The following ASH1L variants were observed in gnomAD, a reference collection of about 807,000 sequenced individuals.
The protein encoded by ASH1L is histone-lysine N-methyltransferase ASH1L.
ASH1L carries 23 observed loss-of-function variants against 269.0 expected under a neutral mutation model. That is an observed-to-expected ratio of 0.09 (90% CI 0.06 to 0.12). The LOEUF is 0.12. Ranked by LOEUF, ASH1L falls within the 10% of genes least tolerant of loss-of-function variation. ASH1L has a pLI of 1.00. For missense variants in ASH1L, 2,912 were observed against 3,567.8 expected (o/e 0.82, Z 4.68); for synonymous variants, 1,187 against 1,253.5 (o/e 0.95, Z 1.12).
At chr1:155,403,989 G>A (rs1242678826) in intron 6 of ASH1L, among the ~76,000 whole-genome samples, 1 of 150,256 alleles carries the variant, frequency 6.7e-6, no homozygotes, top group Non-Finnish European at 1.5e-5. Flanking sequence ...CTGGAAGGCA[G>A]AGGTTGCAGT....
intron 1 of ASH1L, among the ~76,000 whole-genome samples, chr1:155,525,585 G>A (rs979692915): frequency 9.3e-5 from 14 of 150,588 alleles, no homozygotes; most frequent in Non-Finnish European, 1.9e-4. Flanking sequence ...AAAGAAAAAC[G>A]TGTAACACTT....
intron 2 of ASH1L, among the ~76,000 whole-genome samples, chr1:155,495,996 C>T (rs1438701822): frequency 6.6e-6 from 1 of 151,668 alleles, no homozygotes; most frequent in Non-Finnish European, 1.5e-5. Context: ...AAGACTGTCT[C>T]AATTAAAAAA....
intron 1 of ASH1L, among the ~76,000 whole-genome samples, chr1:155,558,962 A>C (rs1185079345): frequency 6.7e-6 from 1 of 150,092 alleles, no homozygotes; most frequent in African/African-American, 2.5e-5. Flanking sequence ...CTCCTGCCTC[A>C]GCATCCCAAC....
chr1:155,479,054 CCGTTTT>C lies in ASH1L; in HGVS notation c.3810_3815del (p.Arg1272_Lys1273del). On this transcript the variant is annotated inframe_deletion, in exon 3 of 28. Transcript: ENST00000392403. Reference sequence around the variant, plus strand: ...TTCGAAGCTGGGGATATTTCTTTTTCCGTTTTCGTTTCTGCCTTTTCATCTTGTCAT... The same window carrying C: ...TTCGAAGCTGGGGATATTTCTTTTTCCGTTTCTGCCTTTTCATCTTGTCAT... 1 of 1,613,912 alleles carries C rather than the reference CCGTTTT, an allele frequency of 6.2e-7. No individual in the cohort carries two copies. The highest frequency in any genetic ancestry group is 1.1e-5 in the South Asian group (1 of 91,060).
chr1:155,446,270 G>A (rs1389072944), intron 4 of ASH1L, among the ~76,000 whole-genome samples: 1 of 148,408 alleles, frequency 6.7e-6, no homozygotes, highest in Non-Finnish European at 1.5e-5. Context: ...ACTGTAAATA[G>A]TATTATTTAT....
intron 1 of ASH1L, among the ~76,000 whole-genome samples, chr1:155,542,939 G>A (rs574260474): frequency 1.2e-4 from 18 of 151,906 alleles, no homozygotes; most frequent in African/African-American, 3.9e-4. Context: ...CCAAAGTGCT[G>A]GGATTACAGG....
chr1:155,441,831 T>A (rs1318705355), intron 4 of ASH1L, among the ~76,000 whole-genome samples: 1 of 143,948 alleles, frequency 6.9e-6, no homozygotes, highest in Non-Finnish European at 1.5e-5. Flanking sequence ...AGTGGCACAA[T>A]CTCAGCTCAC....
intron 15 of ASH1L, among the ~76,000 whole-genome samples, chr1:155,355,920 T>C (rs1570980419): frequency 6.6e-6 from 1 of 151,992 alleles, no homozygotes; most frequent in East Asian, 1.9e-4. Flanking sequence ...ATTCTGTTTT[T>C]TTTTTTTTTT....
At chr1:155,523,963 G>A (rs1172894068) in intron 1 of ASH1L, among the ~76,000 whole-genome samples, 1 of 152,168 alleles carries the variant, frequency 6.6e-6, no homozygotes, top group Non-Finnish European at 1.5e-5. Flanking sequence ...GCTTGTTATT[G>A]CTCCATTCAA....
At chr1:155,563,097 C>G (rs1395137427), upstream of ASH1L, 1 of 457,496 alleles carries the variant, frequency 2.2e-6, no homozygotes, top group Admixed American at 2.3e-5. Context: ...CGCCGCAGCG[C>G]TGCGGCTCGC....
At position 155,338,207 on chromosome 1, in the gene ASH1L, T is replaced by C. The variant is rs112342645; in HGVS notation, c.8685A>G (p.Thr2895=). 2 of 1,614,088 alleles carry C rather than the reference T, an allele frequency of 1.2e-6. No individual in the cohort carries two copies. Among genetic ancestry groups the C allele is most frequent in the Non-Finnish European group, 1.7e-6 (2 of 1,180,014 alleles). The stretch of plus-strand genomic sequence containing the variant: ...ACTGGGGTTCTTGACTACTTTCCTC[T>C]GTTTTTTTTTCACCCTCACTGACGT... ...TANVSEGEKK[T]EESSQEPQST... is the part of the protein sequence containing the mutation. The change falls in exon 27 of 28, where the codon ACA becomes ACG. Residue 2895 remains threonine, a synonymous_variant. Transcript: ENST00000392403.
chr1:155,401,296 G>C (rs1658826779), intron 6 of ASH1L, among the ~76,000 whole-genome samples: 1 of 151,896 alleles, frequency 6.6e-6, no homozygotes, highest in Admixed American at 6.6e-5. Context: ...GGCCAACATG[G>C]TGAAATCCCT....
At chr1:155,421,626 A>C (rs1359053253) in intron 5 of ASH1L, among the ~76,000 whole-genome samples, 1 of 151,534 alleles carries the variant, frequency 6.6e-6, no homozygotes, top group Non-Finnish European at 1.5e-5. Flanking sequence ...AGCCGAGATC[A>C]CGCCACTGCA....
chr1:155,533,374 A>G (rs1239761191), intron 1 of ASH1L, among the ~76,000 whole-genome samples: 1 of 152,062 alleles, frequency 6.6e-6, no homozygotes, highest in East Asian at 1.9e-4. Context: ...AGGCAGAAAC[A>G]GGTCTGTTTC....
chr1:155,378,028 AAAAACAAAAC>A (rs1169979573), intron 10 of ASH1L, among the ~76,000 whole-genome samples: 2 of 151,960 alleles, frequency 1.3e-5, no homozygotes, highest in East Asian at 1.9e-4. Flanking sequence ...GTCTCAAAAA[AAAAACAAAAC>A]AAAACAAAAC....
At chr1:155,434,850 C>CA (rs1021179294) in intron 5 of ASH1L, among the ~76,000 whole-genome samples, 12 of 147,360 alleles carry the variant, frequency 8.1e-5, no homozygotes, top group Non-Finnish European at 1.2e-4. Flanking sequence ...GACTCCGTCT[C>CA]AAAAAAAAAG....
At position 155,479,553 on chromosome 1, in the gene ASH1L, G is replaced by C; in HGVS notation, c.3317C>G (p.Pro1106Arg). The change falls in exon 3 of 28, where the codon CCT becomes CGT. Residue 1106 changes from proline to arginine, a missense_variant. Physicochemically the swap from Pro to Arg is moderately radical, Grantham distance 103. This residue lies in a region of ASH1L where 157 missense variants were observed against 154.6 expected (regional missense o/e 1.02). Coordinates refer to ENST00000392403, the MANE Select transcript of ASH1L (RefSeq NM_018489.3). ...SASSSEILPS[P>R]ICSQSSGTSG... ...AGTCCCAGAAGACTGAGAGCAAATA[G>C]GTGATGGAAGAATCTCAGAACTACT... 2 of 1,614,168 alleles carry C rather than the reference G, an allele frequency of 1.2e-6. No homozygotes were observed. The highest frequency in any genetic ancestry group is 1.7e-6 in the Non-Finnish European group (2 of 1,180,024).
At chr1:155,518,821 A>G (rs978335144) in intron 2 of ASH1L, among the ~76,000 whole-genome samples, 23 of 150,304 alleles carry the variant, frequency 1.5e-4, no homozygotes, top group African/African-American at 5.6e-4. Context: ...AGGAAGGAAG[A>G]AAGAAAAGAA....
At position 155,479,100 on chromosome 1, in the gene ASH1L, T is replaced by C; in HGVS notation, c.3770A>G (p.His1257Arg). 1 of 1,614,186 alleles carries C rather than the reference T, an allele frequency of 6.2e-7. No individual in the cohort carries two copies. Among genetic ancestry groups the C allele is most frequent in the Non-Finnish European group, 8.5e-7 (1 of 1,180,026 alleles). Residue 1257 changes from histidine to arginine, a missense_variant, in exon 3 of 28, where the codon CAT becomes CGT. By Grantham distance (29) the His-to-Arg change is conservative (BLOSUM62 0). Transcript: ENST00000392403. ...KHKHKCKRRNHDYLSYDKMKR... is the reference protein window; with the variant it reads ...KHKHKCKRRNRDYLSYDKMKR... ...CATCTTGTCATAGCTGAGGTAATCA[T>C]GATTCCTGCGCTTACATTTGTGTTT...
Sources: gnomAD v4.1 joint callset for allele counts (sites outside exome capture counted in the v4.1 genomes callset) on GRCh38, gnomAD v4.1.1 for gene constraint, gnomAD v4.1.1 regional missense constraint, MANE v1.5 for transcripts, NCBI Gene and HGNC (gene_info 2026-07-23, HGNC 2026-07-21) for gene names.